Variants in TMEM200C observed in about 807,000 individuals in gnomAD.
TMEM200C encodes the protein transmembrane protein TTMA.
For synonymous variants in TMEM200C, 462 were observed against 324.7 expected, an observed-to-expected ratio of 1.42 and a Z score of -4.55; for missense variants, 966 against 699.9, an observed-to-expected ratio of 1.38 and a Z score of -4.29.
chr18:5,893,620 G>T (rs2095173251), intron 2 of TMEM200C, among the ~76,000 whole-genome samples: 1 of 152,180 alleles, frequency 6.6e-6, no homozygotes, highest in Admixed American at 6.5e-5. Context: ...TCATGTTTTA[G>T]AATAAATTCC....
chr18:5,885,843 C>A (rs2095164967), exon 3 of TMEM200C: 6 of 152,098 alleles, frequency 3.9e-5, no homozygotes, highest in Admixed American at 3.9e-4. Context: ...CAGAGTTAGT[C>A]ATTCAAAAAT....
At chr18:5,888,044 A>G (rs1342966270) in exon 3 of TMEM200C, 1 of 152,212 alleles carries the variant, frequency 6.6e-6, no homozygotes, top group Non-Finnish European at 1.5e-5. Context: ...TAAATGTAAC[A>G]TTTACAGTGC....
rs2095171572 is a variant in TMEM200C, at chr18:5,891,854, C to A, written c.210G>T (p.Ala70=). The A allele has an allele frequency of 1.2e-6, 2 of 1,608,926 alleles. No homozygotes were observed. Among genetic ancestry groups the A allele is most frequent in the East Asian group, 4.5e-5 (2 of 44,840 alleles). The change falls in exon 3 of 3, where the codon GCG becomes GCT. Residue 70 remains alanine (A), a synonymous_variant. Coordinates refer to ENST00000581347, the Ensembl canonical transcript of TMEM200C. This position sits in a 1 kb window ranked among gnomAD's most constrained non-coding sequence, Gnocchi z 4.7. The stretch of plus-strand genomic sequence containing the variant: ...TGGCCTTGGGCCAGTAGCCCACCAC[C>A]GCCATGGCTATGCCCACCAGCAGCA...
At chr18:5,890,673 T>A (rs1306009578) in exon 3 of TMEM200C, 13 of 568,112 alleles carry the variant, frequency 2.3e-5, no homozygotes, top group Non-Finnish European at 2.9e-5. Context: ...CAAGGCCGCG[T>A]ACCTGCCGGT....
chr18:5,890,383 A>T, exon 3 of TMEM200C: 1 of 1,585,512 alleles, frequency 6.3e-7, no homozygotes, highest in Non-Finnish European at 8.6e-7. Context: ...GCCACAGCAG[A>T]GTCTCGCGTT....
exon 2 of TMEM200C, chr18:5,895,331 G>C (rs1472947391): frequency 6.6e-6 from 1 of 151,458 alleles, no homozygotes; most frequent in Non-Finnish European, 1.5e-5. Context: ...TCCAGCTCCC[G>C]GCGTCCCCTA....
exon 3 of TMEM200C, chr18:5,890,432 G>T (rs1319836395): frequency 6.4e-7 from 1 of 1,574,192 alleles, no homozygotes; most frequent in Non-Finnish European, 8.7e-7. Context: ...CGGTGGAGGT[G>T]CCGGCCTCCC....
exon 3 of TMEM200C, chr18:5,890,365 C>T (rs2095168869): frequency 6.3e-7 from 1 of 1,593,278 alleles, no homozygotes; most frequent in Non-Finnish European, 8.6e-7. Context: ...GCACCCAGAA[C>T]GGGGGCGGCC....
chr18:5,895,322 C>T (rs1190519541), exon 2 of TMEM200C: 2 of 151,894 alleles, frequency 1.3e-5, no homozygotes, highest in East Asian at 3.9e-4. Flanking sequence ...CGCTCATCCT[C>T]CAGCTCCCGG....
At position 5,891,269 on chromosome 18, in the gene TMEM200C, GC is replaced by G. The variant is rs1382646421; in HGVS notation, c.794del (p.Gly265AlafsTer112). 1.7e-5 allele frequency: 24 copies of G among 1,408,100 alleles called. No individual in the cohort carries two copies. The highest frequency in any genetic ancestry group is 1.0e-4 in the South Asian group (7 of 67,640). The allele number at this position is 1,408,100 out of a possible 1,614,324, so 87.2% of individuals were successfully genotyped here. On this transcript the variant is annotated frameshift_variant, in exon 3 of 3. Transcript: ENST00000581347. LOFTEE classifies it low-confidence loss of function (END_TRUNC). The surrounding 1 kb of genome is among the most constrained non-coding windows in gnomAD (Gnocchi z 4.7). ...CGAAGGCGTCCCCGGAGCCACCGCA[GC>G]CCCCGGGCTTCAGCTCCAGGCCCCG...
exon 3 of TMEM200C, chr18:5,887,180 C>G (rs1423591616): frequency 6.6e-6 from 1 of 152,170 alleles, no homozygotes; most frequent in Non-Finnish European, 1.5e-5. Context: ...ACATTCGAGT[C>G]CTGCCACTGC....
chr18:5,883,750 C>T (rs1486369329), exon 3 of TMEM200C: 3 of 152,070 alleles, frequency 2.0e-5, no homozygotes, highest in African/African-American at 4.8e-5. Flanking sequence ...ATGCTGTCTC[C>T]AGTCTTTACG....
chr18:5,888,005 T>G (rs1167609564), exon 3 of TMEM200C: 1 of 152,256 alleles, frequency 6.6e-6, no homozygotes, highest in African/African-American at 2.4e-5. Context: ...ATTAGCTTTA[T>G]TATTTGCTAA....
At position 5,891,854 on chromosome 18, in the gene TMEM200C, C is replaced by T; in HGVS notation, c.210G>A (p.Ala70=). Residue 70 remains alanine (A), a synonymous_variant, in exon 3 of 3, where the codon GCG becomes GCA. Transcript: ENST00000581347. This position sits in a 1 kb window ranked among gnomAD's most constrained non-coding sequence, Gnocchi z 4.7. Reference sequence around the variant, plus strand: ...TGGCCTTGGGCCAGTAGCCCACCACCGCCATGGCTATGCCCACCAGCAGCA... The same window carrying T: ...TGGCCTTGGGCCAGTAGCCCACCACTGCCATGGCTATGCCCACCAGCAGCA... The T allele has an allele frequency of 1.2e-6, 2 of 1,609,044 alleles. No homozygotes were observed. The highest frequency in any genetic ancestry group is 1.7e-6 in the Non-Finnish European group (2 of 1,179,356).
chr18:5,888,175 G>A (rs1242476838), exon 3 of TMEM200C: 2 of 152,146 alleles, frequency 1.3e-5, no homozygotes, highest in Admixed American at 6.5e-5. Flanking sequence ...AAAACCTAAG[G>A]AAGTTTGACA....
intron 2 of TMEM200C, 100 bp downstream of exon 1, chr18:5,894,930 A>C (rs7505868): frequency 1.3e-5 from 2 of 152,134 alleles, no homozygotes; most frequent in South Asian, 4.1e-4. Context: ...GGGCGCGGGG[A>C]CTCGGGGACC....
Position 5,891,323 on chromosome 18 carries a change from G to T in TMEM200C, c.741C>A (p.Leu247=). Residue 247 remains leucine, a synonymous_variant, in exon 3 of 3, where the codon CTC becomes CTA. Coordinates refer to ENST00000581347, the Ensembl canonical transcript of TMEM200C. This position sits in a 1 kb window ranked among gnomAD's most constrained non-coding sequence, Gnocchi z 4.7. Reference sequence around the variant, plus strand: ...ACTGCACGTAGCTGAGGAAGCCGTTGAGCGGTATGGCCCCGGGGGGCGCCG... The same window carrying T: ...ACTGCACGTAGCTGAGGAAGCCGTTTAGCGGTATGGCCCCGGGGGGCGCCG... The T allele has an allele frequency of 7.1e-7, 1 of 1,401,030 alleles. No homozygotes were observed. The highest frequency in any genetic ancestry group is 9.3e-7 in the Non-Finnish European group (1 of 1,071,908). 86.8% of individuals were successfully genotyped at this position (1,401,030 alleles called of 1,614,324 possible). A position where few individuals can be genotyped will look rare whatever the true frequency, so the allele number is the denominator to read the frequency against.
chr18:5,893,560 C>T (rs2095173199), intron 2 of TMEM200C, among the ~76,000 whole-genome samples: 1 of 152,192 alleles, frequency 6.6e-6, no homozygotes, highest in Middle Eastern at 3.2e-3. Context: ...AACTGAAAGA[C>T]TTAGATATCA....
exon 3 of TMEM200C, chr18:5,882,346 G>C (rs1415054855): frequency 6.6e-6 from 1 of 151,808 alleles, no homozygotes; most frequent in Non-Finnish European, 1.5e-5. Context: ...GCATTTAATT[G>C]CCACTGACTT....
Sources: allele counts gnomAD v4.1 joint callset (sites outside exome capture counted in the v4.1 genomes callset), GRCh38; gene constraint gnomAD v4.1.1; non-coding constraint Gnocchi (gnomAD v3.1); transcripts MANE v1.5; gene names NCBI Gene and HGNC (gene_info 2026-07-23, HGNC 2026-07-21).